Variants in VEPH1 observed in about 807,000 individuals in gnomAD.
The protein encoded by VEPH1 is ventricular zone expressed PH domain containing 1, also known as ventricular zone-expressed PH domain-containing protein homolog 1.
Under a neutral mutation model 85.2 loss-of-function variants are expected in VEPH1, and 80 were observed. The observed-to-expected ratio is 0.94, with a 90% confidence interval of 0.78 to 1.13. The LOEUF is 1.13. Ranked by LOEUF, VEPH1 falls within the 50% of genes most tolerant of loss-of-function variation. The pLI, the probability that VEPH1 is intolerant of heterozygous loss-of-function variation, is 0.00. For missense variants in VEPH1, 955 were observed against 980.5 expected, an observed-to-expected ratio of 0.97 and a Z score of 0.35; for synonymous variants, 297 against 348.0, an observed-to-expected ratio of 0.85 and a Z score of 1.63.
chr3:157,476,885 C>A (rs1291761877), intron 2 of VEPH1, among the ~76,000 whole-genome samples: 1 of 152,050 alleles, frequency 6.6e-6, no homozygotes, highest in African/African-American at 2.4e-5. Context: ...GCAGTCACAA[C>A]CTGAGAAAGG....
intron 9 of VEPH1, among the ~76,000 whole-genome samples, chr3:157,346,872 T>A (rs907640040): frequency 6.6e-6 from 1 of 152,186 alleles, no homozygotes; most frequent in African/African-American, 2.4e-5. Context: ...TGCCTCAGCC[T>A]CCCAACATGC....
chr3:157,454,298 A>G (rs1362163684), intron 4 of VEPH1, among the ~76,000 whole-genome samples: 1 of 152,202 alleles, frequency 6.6e-6, no homozygotes, highest in Non-Finnish European at 1.5e-5. Flanking sequence ...ACTGACTAGT[A>G]TTATTAATGA....
At chr3:157,489,009 G>A (rs1271431047) in intron 2 of VEPH1, 2 of 326,966 alleles carry the variant, frequency 6.1e-6, no homozygotes, top group African/African-American at 2.6e-5. Context: ...AGCAAATCCT[G>A]TTGGTCCTAT....
intron 4 of VEPH1, among the ~76,000 whole-genome samples, chr3:157,450,288 C>G (rs1734868051): frequency 6.6e-6 from 1 of 151,896 alleles, no homozygotes; most frequent in Non-Finnish European, 1.5e-5. Context: ...AACTCCTGAG[C>G]TCAAGCGATC....
chr3:157,440,743 A>G (rs1734054411), intron 4 of VEPH1, among the ~76,000 whole-genome samples: 1 of 152,070 alleles, frequency 6.6e-6, no homozygotes, highest in African/African-American at 2.4e-5. Flanking sequence ...AGGGACACGT[A>G]AAAGGTTTTC....
intron 5 of VEPH1, 77 bp downstream of exon 5, chr3:157,428,245 C>A: frequency 6.8e-7 from 1 of 1,470,870 alleles, no homozygotes; most frequent in Non-Finnish European, 9.2e-7. Flanking sequence ...ACAGGAAATC[C>A]TAAGCACATA....
At chr3:157,371,016 G>A (rs1325353371) in intron 7 of VEPH1, among the ~76,000 whole-genome samples, 2 of 152,144 alleles carry the variant, frequency 1.3e-5, no homozygotes, top group Non-Finnish European at 2.9e-5. Flanking sequence ...ACATAGAATG[G>A]GCATGAAAAA....
At chr3:157,384,716 A>G (rs961106466) in intron 6 of VEPH1, among the ~76,000 whole-genome samples, 3 of 152,358 alleles carry the variant, frequency 2.0e-5, no homozygotes, top group South Asian at 4.1e-4. Flanking sequence ...CCAACCTCAC[A>G]TCATTTGTTC....
In VEPH1 at chr3:157,436,408, T is replaced by C. The variant is rs186296243; in HGVS notation, c.530-7920A>G. On this transcript the variant is annotated intron_variant, in intron 4 of 13. Coordinates refer to ENST00000362010, the MANE Select transcript of VEPH1 (RefSeq NM_001167912.2). ...GTTGGTTTATCTTGGAATCAGACCATTTTCAGTTTCAACCTGTAAAACAGT... is the reference window on the plus strand; with the variant it reads ...GTTGGTTTATCTTGGAATCAGACCACTTTCAGTTTCAACCTGTAAAACAGT... 4.4e-3 allele frequency among the ~76,000 whole-genome samples: 676 copies of C among 152,308 alleles called. 5 individuals carry two copies. Among genetic ancestry groups the C allele is most frequent in the South Asian group, 0.02 (95 of 4,826 alleles).
At chr3:157,275,633 A>G (rs754523499) in intron 12 of VEPH1, among the ~76,000 whole-genome samples, 11 of 152,122 alleles carry the variant, frequency 7.2e-5, no homozygotes, top group Admixed American at 2.6e-4. Flanking sequence ...ATATATATCA[A>G]TATATAGATA....
At chr3:157,473,193 C>T (rs1338720967) in intron 2 of VEPH1, among the ~76,000 whole-genome samples, 1 of 151,164 alleles carries the variant, frequency 6.6e-6, no homozygotes, top group Non-Finnish European at 1.5e-5. Context: ...CTGCCTCAGC[C>T]TCTGGAGTAG....
At chr3:157,367,093 C>T (rs1270958197) in intron 7 of VEPH1, among the ~76,000 whole-genome samples, 2 of 152,114 alleles carry the variant, frequency 1.3e-5, no homozygotes, top group Non-Finnish European at 2.9e-5. Flanking sequence ...GTTTAATAAG[C>T]GGTTGCTGAT....
intron 9 of VEPH1, among the ~76,000 whole-genome samples, chr3:157,339,965 T>C (rs527964574): frequency 6.6e-6 from 1 of 152,310 alleles, no homozygotes; most frequent in South Asian, 2.1e-4. Context: ...TGTTATTACA[T>C]CTGAGATGGA....
intron 10 of VEPH1, among the ~76,000 whole-genome samples, chr3:157,314,344 A>AAAAAAAAAAAAAAAAAAAAAAT (rs1720499401): frequency 8.5e-6 from 1 of 117,076 alleles, no homozygotes; most frequent in Admixed American, 7.5e-5. Flanking sequence ...AAAAAAAAAA[A>AAAAAAAAAAAAAAAAAAAAAAT]AAAAAAAAAA....
At chr3:157,356,986 C>T (rs1241434738) in intron 9 of VEPH1, among the ~76,000 whole-genome samples, 1 of 152,130 alleles carries the variant, frequency 6.6e-6, no homozygotes, top group East Asian at 1.9e-4. Flanking sequence ...GATAAAAGTA[C>T]TGACTGTGGA....
At chr3:157,363,152 T>G in intron 9 of VEPH1, 1 of 423,684 alleles carries the variant, frequency 2.4e-6, no homozygotes, top group Non-Finnish European at 4.1e-6. Flanking sequence ...TGGACTTATG[T>G]GCACCCAAGT....
At chr3:157,432,913 T>C (rs1733279075) in intron 4 of VEPH1, among the ~76,000 whole-genome samples, 1 of 152,092 alleles carries the variant, frequency 6.6e-6, no homozygotes, top group South Asian at 2.1e-4. Context: ...GATCTTTTTA[T>C]GTTTTTAAAT....
chr3:157,378,319 TA>T (rs1728372938), intron 7 of VEPH1, among the ~76,000 whole-genome samples: 1 of 12,852 alleles, frequency 7.8e-5, no homozygotes, highest in Admixed American at 1.2e-3. Flanking sequence ...TATATATATA[TA>T]TATATATATA....
At chr3:157,383,975 C>A (rs1446358037) in intron 6 of VEPH1, among the ~76,000 whole-genome samples, 1 of 152,064 alleles carries the variant, frequency 6.6e-6, no homozygotes, top group Non-Finnish European at 1.5e-5. Context: ...GGGACATTTT[C>A]TATTCCTGAT....
Sources: gnomAD v4.1 joint callset for allele counts (sites outside exome capture counted in the v4.1 genomes callset) on GRCh38, gnomAD v4.1.1 for gene constraint, MANE v1.5 for transcripts, NCBI Gene and HGNC (gene_info 2026-07-23, HGNC 2026-07-21) for gene names.